Variants in PIK3C2A observed in about 807,000 individuals in gnomAD.
PIK3C2A encodes the protein phosphatidylinositol 4-phosphate 3-kinase C2 domain-containing subunit alpha.
A neutral mutation model predicts 204.5 loss-of-function variants in PIK3C2A; 97 were observed. That is an observed-to-expected ratio of 0.47 (90% CI 0.40 to 0.56). PIK3C2A has a LOEUF of 0.56. PIK3C2A is among the 20% of genes least tolerant of loss of function. The pLI is 0.00. For missense variants in PIK3C2A, 1,735 were observed against 1,969.2 expected (o/e 0.88, Z 2.25); for synonymous variants, 653 against 664.4 (o/e 0.98, Z 0.26).
At chr11:17,193,714 C>T (rs1481375258) in intron 1 of PIK3C2A, among the ~76,000 whole-genome samples, 3 of 151,130 alleles carry the variant, frequency 2.0e-5, no homozygotes, top group Admixed American at 6.6e-5. Flanking sequence ...GGCATGATGG[C>T]GCGCGTCTGT....
intron 2 of PIK3C2A, among the ~76,000 whole-genome samples, chr11:17,160,447 A>C (rs1342030880): frequency 6.6e-6 from 1 of 152,220 alleles, no homozygotes; most frequent in African/African-American, 2.4e-5. Flanking sequence ...AATATGGTCG[A>C]GGGATTGGCA....
At chr11:17,171,786 G>A (rs748786105) in intron 1 of PIK3C2A, among the ~76,000 whole-genome samples, 15 of 152,078 alleles carry the variant, frequency 9.9e-5, no homozygotes, top group Non-Finnish European at 2.1e-4. Context: ...TGTTCTTGTC[G>A]TTTAGAGATG....
At chr11:17,090,793 G>A (rs2137258006) in intron 32 of PIK3C2A, among the ~76,000 whole-genome samples, 1 of 151,912 alleles carries the variant, frequency 6.6e-6, no homozygotes, top group South Asian at 2.1e-4. Context: ...AGTCTGGAGT[G>A]CAGTGGCATG....
At chr11:17,096,950 G>A in intron 27 of PIK3C2A, 107 bp downstream of exon 27, 1 of 670,432 alleles carries the variant, frequency 1.5e-6, no homozygotes, top group South Asian at 1.9e-5. Flanking sequence ...AAAGAAACAA[G>A]CATGAATAGA....
chr11:17,155,637 T>C lies in PIK3C2A; in HGVS notation c.1066-8A>G, dbSNP rs1850566291. 1 of 1,514,984 alleles carries C rather than the reference T, an allele frequency of 6.6e-7. No individual in the cohort carries two copies. The allele number at this position is 1,514,984 out of a possible 1,614,324, so 93.8% of individuals were successfully genotyped here. ...GGTCCCATTTGGGTCTTTCTGTAATTAAAAAAGTGTTTTTATTTTAAAAGT... is the reference window on the plus strand; with the variant it reads ...GGTCCCATTTGGGTCTTTCTGTAATCAAAAAAGTGTTTTTATTTTAAAAGT... On this transcript the variant is annotated splice_polypyrimidine_tract_variant and splice_region_variant and intron_variant, in intron 2 of 32. Transcript: ENST00000691414.
chr11:17,144,915 A>AC (rs1172614077), intron 8 of PIK3C2A, among the ~76,000 whole-genome samples: 1 of 131,206 alleles, frequency 7.6e-6, no homozygotes, highest in Non-Finnish European at 1.7e-5. Flanking sequence ...AAAAAAAAAA[A>AC]AAAAAAAGTC....
intron 1 of PIK3C2A, among the ~76,000 whole-genome samples, chr11:17,173,106 T>C (rs976901706): frequency 6.6e-6 from 1 of 152,236 alleles, no homozygotes; most frequent in African/African-American, 2.4e-5. Context: ...AATTCATCTT[T>C]TTAGATCAAC....
chr11:17,161,131 TA>T (rs1205789472), intron 2 of PIK3C2A, among the ~76,000 whole-genome samples: 3 of 152,176 alleles, frequency 2.0e-5, no homozygotes, highest in Admixed American at 2.0e-4. Context: ...GTTACAAGAA[TA>T]TGGGGAAGAT....
Position 17,102,772 on chromosome 11 carries a change from G to A in PIK3C2A, c.3741C>T (p.Gly1247=), listed in dbSNP as rs1590907090. The A allele has an allele frequency of 6.2e-7, 1 of 1,612,192 alleles. No homozygotes were observed. Among genetic ancestry groups the A allele is most frequent in the East Asian group, 2.2e-5 (1 of 44,848 alleles). ...AGCCVATYVL[G]ICDRHNDNIM... The stretch of plus-strand genomic sequence containing the variant: ...TATTGTCATTGTGTCGATCACAGAT[G>A]CCTAAAACATAGGTGGCTACACAGC... The change falls in exon 24 of 33, where the codon GGC becomes GGT. Residue 1247 remains glycine (G), a synonymous_variant. Transcript: ENST00000691414.
At chr11:17,104,236 T>C (rs1014533223) in intron 23 of PIK3C2A, among the ~76,000 whole-genome samples, 2 of 152,138 alleles carry the variant, frequency 1.3e-5, no homozygotes, top group Non-Finnish European at 1.5e-5. Flanking sequence ...TAAATAATAG[T>C]AAAACAGAAA....
intron 21 of PIK3C2A, 99 bp downstream of exon 21, chr11:17,112,472 TAAA>T (rs909822940): frequency 3.8e-6 from 2 of 527,422 alleles, no homozygotes; most frequent in Non-Finnish European, 6.7e-6. Context: ...AAATAAATAA[TAAA>T]AAAAATATTA....
chr11:17,129,449 C>A lies in PIK3C2A; in HGVS notation c.2250G>T (p.Gln750His), dbSNP rs1849629043. 6.2e-7 allele frequency: 1 copy of A among 1,604,126 alleles called. No individual in the cohort carries two copies. Among genetic ancestry groups the A allele is most frequent in the Non-Finnish European group, 8.5e-7 (1 of 1,172,150 alleles). ...CTGATTCTAATGGCAATTGTGATAT[C>A]TGGATAGGAAAAATGATTCTATGGG... ...KWDELIIFPI[Q>H]ISQLPLESVL... Residue 750 changes from glutamine to histidine, a missense_variant, in exon 13 of 33, where the codon CAG (glutamine) becomes CAT (histidine). Gln to His is a conservative substitution (Grantham distance 24, BLOSUM62 0). This residue lies in a region of PIK3C2A where 567 missense variants were observed against 576.0 expected (regional missense o/e 0.98). Coordinates refer to ENST00000691414, the MANE Select transcript of PIK3C2A (RefSeq NM_002645.4).
At chr11:17,193,253 G>C (rs1225209310) in intron 1 of PIK3C2A, among the ~76,000 whole-genome samples, 1 of 152,178 alleles carries the variant, frequency 6.6e-6, no homozygotes, top group African/African-American at 2.4e-5. Flanking sequence ...AGCAGAAAAT[G>C]AACTAAGACA....
At chr11:17,154,110 C>A (rs983248939) in intron 3 of PIK3C2A, among the ~76,000 whole-genome samples, 2 of 152,046 alleles carry the variant, frequency 1.3e-5, no homozygotes, top group South Asian at 2.1e-4. Context: ...TAAACAAAAA[C>A]AATCATTTTC....
Position 17,105,171 on chromosome 11 carries a change from T to C in PIK3C2A, c.3679A>G (p.Lys1227Glu). Residue 1227 changes from lysine (K) to glutamate (E), a missense_variant and splice_region_variant, in exon 23 of 33, where the codon AAG becomes GAG. Physicochemically the swap from Lys to Glu is moderately conservative, Grantham distance 56 (BLOSUM62 1). Coordinates refer to ENST00000691414, the MANE Select transcript of PIK3C2A (RefSeq NM_002645.4). ...GAATGAGGAGACATGCTAATTACCT[T>C]TTCATATTCTTCTTCAGAGGGATTG... ...KYNPSEEEYE[K>E]ASENFIYSCA... 6.2e-7 allele frequency: 1 copy of C among 1,610,430 alleles called. No individual in the cohort carries two copies.
At chr11:17,139,111 C>T (rs1347796768) in intron 8 of PIK3C2A, among the ~76,000 whole-genome samples, 1 of 152,060 alleles carries the variant, frequency 6.6e-6, no homozygotes, top group Non-Finnish European at 1.5e-5. Flanking sequence ...CGAGGTTTCA[C>T]CACGTTGGCC....
At chr11:17,138,120 G>T in intron 8 of PIK3C2A, 1 of 758,326 alleles carries the variant, frequency 1.3e-6, no homozygotes, top group Non-Finnish European at 2.3e-6. Flanking sequence ...CATGTTTTTT[G>T]TTTTGGACAA....
chr11:17,101,046 G>C (rs1178890200), intron 25 of PIK3C2A, among the ~76,000 whole-genome samples: 3 of 152,114 alleles, frequency 2.0e-5, no homozygotes, highest in Non-Finnish European at 4.4e-5. Flanking sequence ...CCCAAGGGGA[G>C]CCACTCTACT....
intron 21 of PIK3C2A, among the ~76,000 whole-genome samples, chr11:17,111,882 CA>C (rs201931743): frequency 7.8e-3 from 245 of 31,448 alleles, no homozygotes; most frequent in Middle Eastern, 0.023. Flanking sequence ...GTCTCCAAAA[CA>C]AAAAAAAAAA....
Sources: allele counts gnomAD v4.1 joint callset (sites outside exome capture counted in the v4.1 genomes callset), GRCh38; gene constraint gnomAD v4.1.1; regional missense constraint gnomAD v4.1.1; transcripts MANE v1.5; gene names NCBI Gene and HGNC (gene_info 2026-07-23, HGNC 2026-07-21).